The following ILDR2 variants were observed in gnomAD, a reference collection of about 807,000 sequenced individuals.
ILDR2 encodes immunoglobulin-like domain-containing receptor 2.
ILDR2 carries 25 observed loss-of-function variants against 66.8 expected under a neutral mutation model. That is an observed-to-expected ratio of 0.37 (90% confidence interval 0.27 to 0.52). The LOEUF is 0.52. Ranked by LOEUF, ILDR2 falls within the 20% of genes least tolerant of loss-of-function variation. ILDR2 has a pLI of 0.88. For synonymous variants in ILDR2, 367 were observed against 357.2 expected, an observed-to-expected ratio of 1.03 and a Z score of -0.31; for missense variants, 827 against 876.8, an observed-to-expected ratio of 0.94 and a Z score of 0.72.
intron 1 of ILDR2, among the ~76,000 whole-genome samples, chr1:166,969,046 G>T (rs771890699): frequency 4.6e-5 from 7 of 152,124 alleles, no homozygotes; most frequent in Non-Finnish European, 8.8e-5. Context: ...CATTGTGCTA[G>T]AAGTTTTATA....
At chr1:166,942,219 T>C (rs960973393) in intron 3 of ILDR2, among the ~76,000 whole-genome samples, 4 of 152,244 alleles carry the variant, frequency 2.6e-5, no homozygotes, top group Non-Finnish European at 5.9e-5. Flanking sequence ...TATTCTAGTT[T>C]GGACAATTAA....
At position 166,975,244 on chromosome 1, in the gene ILDR2, T is replaced by G; in HGVS notation, c.25A>C (p.Ile9Leu). MDRVLLRW[I>L]SLFWLTAMVE... Reference sequence around the variant, plus strand: ...TTACCTGTTAGCCAGAAGAGAGAAATCCACCTCAGCAAGACCCTATCCATC... The same window carrying G: ...TTACCTGTTAGCCAGAAGAGAGAAAGCCACCTCAGCAAGACCCTATCCATC... The change falls in exon 1 of 10, where the codon ATT (isoleucine) becomes CTT (leucine). Residue 9 changes from isoleucine to leucine, a missense_variant. Ile to Leu is a conservative substitution (Grantham distance 5). This residue lies in a region of ILDR2 where 437 missense variants were observed against 523.2 expected (regional missense o/e 0.84). Transcript: ENST00000271417. 6.2e-7 allele frequency: 1 copy of G among 1,613,380 alleles called. No individual in the cohort carries two copies. Among genetic ancestry groups the G allele is most frequent in the Non-Finnish European group, 8.5e-7 (1 of 1,179,526 alleles).
At chr1:166,957,653 G>A (rs1662359733) in intron 2 of ILDR2, 116 bp downstream of exon 2, 2 of 850,594 alleles carry the variant, frequency 2.4e-6, no homozygotes, top group Non-Finnish European at 1.8e-6. Flanking sequence ...TAAAATAAAA[G>A]TCTTGAGGGT....
At chr1:166,900,175 A>G (rs891818406) in intron 2 of ILDR2, among the ~76,000 whole-genome samples, 3 of 150,912 alleles carry the variant, frequency 2.0e-5, no homozygotes, top group Non-Finnish European at 4.4e-5. Flanking sequence ...CTCTATTGCT[A>G]TCCTTTCATG....
At chr1:166,904,034 C>T (rs1490854305), downstream of ILDR2, among the ~76,000 whole-genome samples, 1 of 152,182 alleles carries the variant, frequency 6.6e-6, no homozygotes, top group Admixed American at 6.5e-5. Flanking sequence ...CTGTCTCCCT[C>T]GCTGGAATTT....
rs1557925893 is a variant in ILDR2, at chr1:166,916,810, T to C, written c.*2545A>G. ...ATCTGTAGTTTTGTTGTCTTTGGAA[T>C]TGCAGGTTTCCAATTTTAATAATTC... On this transcript the variant is annotated 3_prime_UTR_variant, in exon 10 of 10. Transcript: ENST00000271417. The C allele has an allele frequency of 6.6e-6, 1 of 152,256 alleles. No homozygotes were observed. Among genetic ancestry groups the C allele is most frequent in the Non-Finnish European group, 1.5e-5 (1 of 68,050 alleles). 9.4% of individuals were successfully genotyped at this position (152,256 alleles called of 1,614,324 possible). A position where few individuals can be genotyped will look rare whatever the true frequency, so the allele number is the denominator to read the frequency against.
chr1:166,966,846 C>T (rs1220201623), intron 1 of ILDR2, among the ~76,000 whole-genome samples: 2 of 152,132 alleles, frequency 1.3e-5, no homozygotes. Context: ...GCCACTTAGA[C>T]AGGAAAAAAC....
At chr1:166,906,896 C>T (rs1461431062), downstream of ILDR2, among the ~76,000 whole-genome samples, 5 of 152,212 alleles carry the variant, frequency 3.3e-5, no homozygotes, top group Non-Finnish European at 5.9e-5. Flanking sequence ...AGGGTTTCGC[C>T]TGGACCTAGG....
rs1318283129 is a variant in ILDR2 at position 166,913,737 on chromosome 1, T to G, written c.*5618A>C. 6.6e-6 allele frequency: 1 copy of G among 152,258 alleles called. No individual in the cohort carries two copies. Among genetic ancestry groups the G allele is most frequent in the African/African-American group, 2.4e-5 (1 of 41,474 alleles). The allele number at this position is 152,258 out of a possible 1,614,324, so 9.4% of individuals were successfully genotyped here. A position where few individuals can be genotyped will look rare whatever the true frequency, so the allele number is the denominator to read the frequency against. ...CTGGAGTTCTGAATCCAGATGAATCTGTCGTTTCATTCAGAAACTTCTCTG... is the reference window on the plus strand; with the variant it reads ...CTGGAGTTCTGAATCCAGATGAATCGGTCGTTTCATTCAGAAACTTCTCTG... On this transcript the variant is annotated 3_prime_UTR_variant, in exon 10 of 10. Transcript: ENST00000271417.
chr1:166,947,098 C>T (rs982946667), intron 3 of ILDR2, among the ~76,000 whole-genome samples: 3 of 152,088 alleles, frequency 2.0e-5, no homozygotes, highest in African/African-American at 7.2e-5. Context: ...CCCCAGAGAG[C>T]GAATAAATAC....
At chr1:166,945,021 A>G (rs6427047) in intron 3 of ILDR2, among the ~76,000 whole-genome samples, 28,950 of 152,184 alleles carry the variant, frequency 0.19, 2,902 homozygotes, top group African/African-American at 0.21. Flanking sequence ...CCCTTGTTCA[A>G]TATGCAGGGT....
chr1:166,944,344 A>G (rs1443134752), intron 3 of ILDR2, among the ~76,000 whole-genome samples: 1 of 152,206 alleles, frequency 6.6e-6, no homozygotes, highest in African/African-American at 2.4e-5. Flanking sequence ...CTAGGTGGAG[A>G]CACAGGGGAC....
intron 6 of ILDR2, among the ~76,000 whole-genome samples, chr1:166,932,817 C>A (rs571121594): frequency 1.3e-5 from 2 of 152,132 alleles, no homozygotes; most frequent in Non-Finnish European, 2.9e-5. Context: ...GAAATAATTA[C>A]CCTAAAATTG....
At position 166,909,757 on chromosome 1, in the gene ILDR2, A is replaced by C. The variant is rs1306295932; in HGVS notation, c.*9598T>G. On this transcript the variant is annotated 3_prime_UTR_variant, in exon 10 of 10. Coordinates refer to ENST00000271417, the MANE Select transcript of ILDR2 (RefSeq NM_199351.3). ...CATACATATATATATATATATATAT[A>C]TAAATATATATAAATATATATATTT... 1 of 75,626 alleles carries C rather than the reference A, an allele frequency of 1.3e-5. No individual in the cohort carries two copies. The highest frequency in any genetic ancestry group is 6.5e-5 in the African/African-American group (1 of 15,452). 4.7% of individuals were successfully genotyped at this position (75,626 alleles called of 1,614,324 possible). A position where few individuals can be genotyped will look rare whatever the true frequency, so the allele number is the denominator to read the frequency against.
In ILDR2 at chr1:166,936,485, G is replaced by A; in HGVS notation, c.703+106C>T. On this transcript the variant is annotated intron_variant, in intron 5 of 9. Transcript: ENST00000271417. The surrounding 1 kb of genome is among the most constrained non-coding windows in gnomAD (Gnocchi z 5.0). Reference sequence around the variant, plus strand: ...GAGTCTGGAATGACCAATCTTGGGGGTGGCAGGACAGGAGGTGGAGGAGGA... The same window carrying A: ...GAGTCTGGAATGACCAATCTTGGGGATGGCAGGACAGGAGGTGGAGGAGGA... The A allele has an allele frequency of 6.5e-7, 1 of 1,530,406 alleles. No homozygotes were observed. Among genetic ancestry groups the A allele is most frequent in the South Asian group, 1.2e-5 (1 of 80,616 alleles). The allele number at this position is 1,530,406 out of a possible 1,614,324, so 94.8% of individuals were successfully genotyped here.
chr1:166,920,786 C>T lies in ILDR2; in HGVS notation c.1805G>A (p.Gly602Asp). 1 of 1,526,358 alleles carries T rather than the reference C, an allele frequency of 6.6e-7. No homozygotes were observed. The highest frequency in any genetic ancestry group is 8.8e-7 in the Non-Finnish European group (1 of 1,137,726). The allele number at this position is 1,526,358 out of a possible 1,614,324, so 94.6% of individuals were successfully genotyped here. Reference sequence around the variant, plus strand: ...CAGGTCGCGGCCGCGGTAGGACGGGCCGCGGGTCAGCTCCAGCTCGCTGTA... The same window carrying T: ...CAGGTCGCGGCCGCGGTAGGACGGGTCGCGGGTCAGCTCCAGCTCGCTGTA... ...PPYSELELTR[G>D]PSYRGRDLPY... is the part of the protein sequence containing the mutation. The change falls in exon 9 of 10, where the codon GGC (glycine) becomes GAC (aspartate). Residue 602 changes from glycine (G) to aspartate (D), a missense_variant. By Grantham distance (94) the Gly-to-Asp change is moderately conservative. This residue lies in a region of ILDR2 where 390 missense variants were observed against 353.6 expected (regional missense o/e 1.10). Coordinates refer to ENST00000271417, the MANE Select transcript of ILDR2 (RefSeq NM_199351.3).
intron 6 of ILDR2, among the ~76,000 whole-genome samples, chr1:166,930,552 A>C (rs965030857): frequency 1.3e-5 from 2 of 152,214 alleles, no homozygotes; most frequent in African/African-American, 4.8e-5. Flanking sequence ...CTACAAGTTC[A>C]AATATACTAA....
chr1:166,967,737 C>CA (rs1176234766), intron 1 of ILDR2, among the ~76,000 whole-genome samples: 3 of 152,286 alleles, frequency 2.0e-5, no homozygotes, highest in Admixed American at 6.5e-5. Flanking sequence ...GCCTGGGTGA[C>CA]AGAGTGGGAC....
intron 1 of ILDR2, among the ~76,000 whole-genome samples, chr1:166,970,315 G>T (rs1305671167): frequency 3.3e-5 from 5 of 152,030 alleles, no homozygotes; most frequent in Admixed American, 2.6e-4. Flanking sequence ...AATCATTAAT[G>T]GTTTGAGAAA....
Sources: allele counts gnomAD v4.1 joint callset (sites outside exome capture counted in the v4.1 genomes callset), GRCh38; gene constraint gnomAD v4.1.1; regional missense constraint gnomAD v4.1.1; non-coding constraint Gnocchi (gnomAD v3.1); transcripts MANE v1.5; gene names NCBI Gene and HGNC (gene_info 2026-07-23, HGNC 2026-07-21).